MALRD1: variants seen among roughly 807,000 people sequenced by gnomAD.
MALRD1 encodes the protein MAM and LDL receptor class A domain containing 1, also known as MAM and LDL-receptor class A domain-containing protein 1.
A neutral mutation model predicts 242.1 loss-of-function variants in MALRD1; 247 were observed. The observed-to-expected ratio is 1.02, with a 90% confidence interval of 0.92 to 1.13. MALRD1 has a LOEUF of 1.13. Ranked by LOEUF, MALRD1 falls within the 50% of genes most tolerant of loss-of-function variation. The pLI is 0.00. For missense variants in MALRD1, 2,989 were observed against 2,533.1 expected (o/e 1.18, Z -3.86); for synonymous variants, 995 against 866.6 (o/e 1.15, Z -2.60).
chr10:19,201,024 C>CA (rs1836515024), intron 14 of MALRD1, among the ~76,000 whole-genome samples: 1 of 152,096 alleles, frequency 6.6e-6, no homozygotes, highest in African/African-American at 2.4e-5. Flanking sequence ...ATTATTATTG[C>CA]AAAAATGAGG....
intron 38 of MALRD1, among the ~76,000 whole-genome samples, chr10:19,713,165 C>G (rs1834220877): frequency 1.1e-5 from 1 of 94,768 alleles, no homozygotes; most frequent in Admixed American, 9.3e-5. Flanking sequence ...TCCTTAAAGC[C>G]ACACATTAAA....
rs1353021764 is a variant in MALRD1, at chr10:19,055,551, G to A, written c.199+6414G>A. 5.9e-5 allele frequency among the ~76,000 whole-genome samples: 9 copies of A among 152,254 alleles called. No homozygotes were observed. The East Asian group carries it at 1.7e-3, about 29-fold the overall frequency. ...TTATAGTTTAAGGTCTTATATTTAA[G>A]TCTTTAATCCATTTCAAGTTGATTA... On this transcript the variant is annotated intron_variant, in intron 1 of 39. Transcript: ENST00000454679.
intron 35 of MALRD1, among the ~76,000 whole-genome samples, chr10:19,609,952 G>A (rs1838819048): frequency 6.6e-6 from 1 of 150,760 alleles, no homozygotes; most frequent in African/African-American, 2.5e-5. Flanking sequence ...GATAATGGTG[G>A]TGATTATGAT....
chr10:19,204,779 GA>G, intron 16 of MALRD1, 118 bp from the exon 17 acceptor site: 1 of 1,102,188 alleles, frequency 9.1e-7, no homozygotes, highest in South Asian at 1.7e-5. Flanking sequence ...TTGCGGGAAA[GA>G]AAAGCGTCTT....
chr10:19,405,387 A>G (rs574639516), intron 28 of MALRD1, among the ~76,000 whole-genome samples: 13 of 152,140 alleles, frequency 8.5e-5, no homozygotes, highest in Non-Finnish European at 1.5e-4. Flanking sequence ...GCTTCTCAGC[A>G]TTGTGTACTT....
chr10:19,202,639 G>A (rs1462734338), intron 14 of MALRD1, among the ~76,000 whole-genome samples: 1 of 151,876 alleles, frequency 6.6e-6, no homozygotes, highest in Admixed American at 6.6e-5. Context: ...GTGTCTATGC[G>A]TTTTATTGCT....
intron 28 of MALRD1, among the ~76,000 whole-genome samples, chr10:19,393,861 G>A (rs1024024719): frequency 6.6e-6 from 1 of 151,934 alleles, no homozygotes; most frequent in Non-Finnish European, 1.5e-5. Flanking sequence ...GTTTTCATTG[G>A]GTAAAATCTG....
At chr10:19,175,463 A>AAAAT (rs1179056617) in intron 14 of MALRD1, 135 bp downstream of exon 14, 1 of 197,894 alleles carries the variant, frequency 5.1e-6, no homozygotes, top group African/African-American at 2.5e-5. Flanking sequence ...TGAAACCTAA[A>AAAAT]ATATATATAT....
intron 11 of MALRD1, among the ~76,000 whole-genome samples, chr10:19,148,788 A>AAAAAAAAATAT (rs1206724666): frequency 3.4e-5 from 3 of 88,012 alleles, no homozygotes; most frequent in Non-Finnish European, 7.4e-5. Context: ...AAAAAAAAAA[A>AAAAAAAAATAT]ATATATATAT....
intron 14 of MALRD1, among the ~76,000 whole-genome samples, chr10:19,191,009 A>G (rs1057409025): frequency 6.6e-6 from 1 of 152,238 alleles, no homozygotes; most frequent in African/African-American, 2.4e-5. Flanking sequence ...TCAACAGAGT[A>G]AAAAGGCAAC....
At chr10:19,141,179 C>T (rs1311608544) in intron 10 of MALRD1, among the ~76,000 whole-genome samples, 2 of 152,180 alleles carry the variant, frequency 1.3e-5, no homozygotes, top group East Asian at 1.9e-4. Flanking sequence ...CAAAGATACA[C>T]GTTGGATCCC....
chr10:19,208,672 C>T (rs957562670), intron 17 of MALRD1, among the ~76,000 whole-genome samples: 12 of 152,248 alleles, frequency 7.9e-5, no homozygotes, highest in African/African-American at 2.4e-4. Flanking sequence ...ATCTAATAAG[C>T]TAGTATCTGT....
At position 19,235,611 on chromosome 10, in the gene MALRD1, A is replaced by AGAGAGAGAGC. The variant is rs1176634148; in HGVS notation, c.2992-22070_2992-22069insAGAGAGCGAG. Among the ~76,000 whole-genome samples the AGAGAGAGAGC allele has an allele frequency of 2.8e-5, 4 of 141,766 alleles. No homozygotes were observed. In the South Asian group the frequency reaches 6.6e-4, roughly 23 times the overall value. 93.0% of individuals were successfully genotyped at this position (141,766 alleles called of 152,430 possible). ...GAGAGAGAGAGAGAGAGAGAGAGAG[A>AGAGAGAGAGC]GAGCGCCTAGGTAAGAGGCCACCAA... On this transcript the variant is annotated intron_variant, in intron 18 of 39. Coordinates refer to ENST00000454679, the MANE Select transcript of MALRD1 (RefSeq NM_001142308.3).
At chr10:19,512,616 C>G (rs570950566) in intron 31 of MALRD1, among the ~76,000 whole-genome samples, 2 of 152,292 alleles carry the variant, frequency 1.3e-5, no homozygotes, top group South Asian at 4.1e-4. Flanking sequence ...AAGCTTCTGT[C>G]TAACCAGGAA....
chr10:19,523,672 A>G (rs1334008784), intron 31 of MALRD1, among the ~76,000 whole-genome samples: 1 of 152,184 alleles, frequency 6.6e-6, no homozygotes, highest in African/African-American at 2.4e-5. Flanking sequence ...ACTTATAGGA[A>G]ATGGCAACGA....
chr10:19,623,586 C>T (rs984976930), intron 36 of MALRD1, among the ~76,000 whole-genome samples: 3 of 152,122 alleles, frequency 2.0e-5, no homozygotes, highest in Admixed American at 1.3e-4. Context: ...GCTTTAACTC[C>T]CAGTCCAAGG....
intron 18 of MALRD1, among the ~76,000 whole-genome samples, chr10:19,227,075 C>G (rs920809658): frequency 1.3e-5 from 2 of 151,658 alleles, no homozygotes; most frequent in African/African-American, 4.8e-5. Context: ...TGATAATTCC[C>G]CTGAAACTGA....
At chr10:19,473,619 C>G (rs1480731220) in intron 29 of MALRD1, among the ~76,000 whole-genome samples, 5 of 152,002 alleles carry the variant, frequency 3.3e-5, no homozygotes, top group Admixed American at 6.6e-5. Context: ...ATAATGTCCT[C>G]AAAGCTTATT....
chr10:19,652,011 T>G (rs540483176), intron 36 of MALRD1, among the ~76,000 whole-genome samples: 2 of 152,288 alleles, frequency 1.3e-5, no homozygotes, highest in Non-Finnish European at 2.9e-5. Context: ...GGTTGCGACT[T>G]GAACCTAGGG....
Sources: allele counts gnomAD v4.1 joint callset (sites outside exome capture counted in the v4.1 genomes callset), GRCh38; gene constraint gnomAD v4.1.1; transcripts MANE v1.5; gene names NCBI Gene and HGNC (gene_info 2026-07-23, HGNC 2026-07-21).